Variants in PIKFYVE observed in about 807,000 individuals in gnomAD.
The protein encoded by PIKFYVE is 1-phosphatidylinositol 3-phosphate 5-kinase.
In PIKFYVE, 122 loss-of-function variants were observed where a neutral mutation model predicts 257.9. That is an observed-to-expected ratio of 0.47 (90% CI 0.41 to 0.55). The LOEUF (loss-of-function observed/expected upper bound fraction) is 0.55. Ranked by LOEUF, PIKFYVE falls within the 20% of genes least tolerant of loss-of-function variation. The pLI is 0.00. For synonymous variants in PIKFYVE, 892 were observed against 868.9 expected, an observed-to-expected ratio of 1.03 and a Z score of -0.47; for missense variants, 2,160 against 2,536.6, an observed-to-expected ratio of 0.85 and a Z score of 3.19.
intron 3 of PIKFYVE, among the ~76,000 whole-genome samples, chr2:208,276,047 AGCTGTGGGGTT>A (rs1690057836): frequency 6.6e-6 from 1 of 152,084 alleles, no homozygotes. Context: ...TCCTATTTGG[AGCTGTGGGGTT>A]GGGGAAGTGA....
chr2:208,353,698 A>G (rs1192480541), intron 39 of PIKFYVE, among the ~76,000 whole-genome samples, 200 bp from the exon 40 acceptor site: 1 of 152,148 alleles, frequency 6.6e-6, no homozygotes, highest in African/African-American at 2.4e-5. Context: ...GAATTATGTT[A>G]CTGTGTATTT....
rs550731189 is a variant in PIKFYVE, at chr2:208,323,769, A to C, written c.2191-373A>C. Among the ~76,000 whole-genome samples, 321 of 152,212 alleles carry C rather than the reference A, an allele frequency of 2.1e-3. 1 individual carries two copies. The highest frequency in any genetic ancestry group is 3.3e-3 in the Admixed American group (50 of 15,268). On this transcript the variant is annotated intron_variant, in intron 17 of 41. Coordinates refer to ENST00000264380, the MANE Select transcript of PIKFYVE (RefSeq NM_015040.4). ...TATTTCTCCACATCCTCTCCAGCAC[A>C]TGTTGTTTCCTGACTTTTTAATGAT...
At chr2:208,317,633 G>C (rs1381124300) in intron 15 of PIKFYVE, among the ~76,000 whole-genome samples, 1 of 152,172 alleles carries the variant, frequency 6.6e-6, no homozygotes, top group African/African-American at 2.4e-5. Flanking sequence ...TATTCAGTCA[G>C]TGAGTACTTT....
At chr2:208,314,695 G>A (rs1695281139) in intron 14 of PIKFYVE, among the ~76,000 whole-genome samples, 1 of 152,134 alleles carries the variant, frequency 6.6e-6, no homozygotes, top group African/African-American at 2.4e-5. Flanking sequence ...TCAGAAGGTT[G>A]AGACCAGCCT....
chr2:208,311,237 T>C (rs532981894), intron 12 of PIKFYVE, among the ~76,000 whole-genome samples: 2 of 152,300 alleles, frequency 1.3e-5, no homozygotes, highest in Non-Finnish European at 2.9e-5. Context: ...TAATAGGATT[T>C]GGTGTTACTC....
intron 3 of PIKFYVE, 150 bp from the exon 4 acceptor site, chr2:208,276,562 A>G: frequency 2.8e-6 from 2 of 727,054 alleles, no homozygotes; most frequent in Non-Finnish European, 5.1e-6. Context: ...ACCCTTATAA[A>G]GACTTGTTTT....
At position 208,350,868 on chromosome 2, in the gene PIKFYVE, T is replaced by C. The variant is rs1184749674; in HGVS notation, c.5532T>C (p.Asp1844=). ...TGATTCTGGACAGCAGTGAAGAAGA[T>C]TTCATTCGTTCCCTCTCCCACTCAT... ...REVILDSSEE[D]FIRSLSHSSP... is the part of the protein sequence containing the mutation. The change falls in exon 37 of 42, where the codon GAT becomes GAC. Residue 1844 remains aspartate (D), a synonymous_variant. Coordinates refer to ENST00000264380, the MANE Select transcript of PIKFYVE (RefSeq NM_015040.4). 1 of 1,614,146 alleles carries C rather than the reference T, an allele frequency of 6.2e-7. No homozygotes were observed. The highest frequency in any genetic ancestry group is 1.7e-5 in the Admixed American group (1 of 60,014).
rs1360184570 is a variant in PIKFYVE, at chr2:208,320,345, C to T, written c.2176C>T (p.Pro726Ser). 6.2e-7 allele frequency: 1 copy of T among 1,611,906 alleles called. No homozygotes were observed. Among genetic ancestry groups the T allele is most frequent in the African/African-American group, 1.3e-5 (1 of 74,848 alleles). Reference sequence around the variant, plus strand: ...AGAAACTAAGTTTACTTGCATTGATCCTATTGTGCTTCAGGTAAGAATTTA... The same window carrying T: ...AGAAACTAAGTTTACTTGCATTGATTCTATTGTGCTTCAGGTAAGAATTTA... ...REETKFTCID[P>S]IVLQEREFLK... Residue 726 changes from proline to serine, a missense_variant, in exon 17 of 42, where the codon CCT (proline) becomes TCT (serine). By Grantham distance (74) the Pro-to-Ser change is moderately conservative (BLOSUM62 -1). Around this residue, in one of 12 missense-constraint regions of PIKFYVE, gnomAD observed 346 missense variants for 365.6 expected, o/e 0.95. Coordinates refer to ENST00000264380, the MANE Select transcript of PIKFYVE (RefSeq NM_015040.4).
rs1365205148 is a variant in PIKFYVE at position 208,328,258 on chromosome 2, C to G, written c.3697C>G (p.Pro1233Ala). ...SSSSAQSSNA[P>A]SACVSPWIVT... ...CTCTTCTGCCCAGTCCAGCAATGCT[C>G]CTAGTGCCTGTGTCAGTCCTTGGTA... The change falls in exon 21 of 42, where the codon CCT (proline) becomes GCT (alanine). Residue 1233 changes from proline (P) to alanine (A), a missense_variant. By Grantham distance (27) the Pro-to-Ala change is conservative. Transcript: ENST00000264380. 2 of 1,613,928 alleles carry G rather than the reference C, an allele frequency of 1.2e-6. No homozygotes were observed. Among genetic ancestry groups the G allele is most frequent in the East Asian group, 4.5e-5 (2 of 44,872 alleles).
At chr2:208,338,853 A>G (rs1292532681) in intron 29 of PIKFYVE, among the ~76,000 whole-genome samples, 2 of 152,212 alleles carry the variant, frequency 1.3e-5, no homozygotes, top group South Asian at 2.1e-4. Flanking sequence ...TACAAAGTCA[A>G]TCCCCAGGTT....
chr2:208,291,675 C>T (rs1692332655), intron 7 of PIKFYVE, among the ~76,000 whole-genome samples: 1 of 152,050 alleles, frequency 6.6e-6, no homozygotes. Context: ...TTTCGATTTT[C>T]ATTTCTGATA....
rs1699210009 is a variant in PIKFYVE at position 208,346,143 on chromosome 2, A to C, written c.5205A>C (p.Gln1735His). Reference sequence around the variant, plus strand: ...ATCGTACAACAGAAACAGAACCACAACCAAGTAAGATTACACATGGAGGAA... The same window carrying C: ...ATCGTACAACAGAAACAGAACCACACCCAAGTAAGATTACACATGGAGGAA... ...QTNRTTETEPQPTKKASGMLS... is the reference protein window; with the variant it reads ...QTNRTTETEPHPTKKASGMLS... Residue 1735 changes from glutamine (Q) to histidine (H), a missense_variant, in exon 34 of 42, where the codon CAA becomes CAC. Physicochemically the swap from Gln to His is conservative, Grantham distance 24. Coordinates refer to ENST00000264380, the MANE Select transcript of PIKFYVE (RefSeq NM_015040.4). 6.2e-7 allele frequency: 1 copy of C among 1,603,138 alleles called. No individual in the cohort carries two copies. Among genetic ancestry groups the C allele is most frequent in the Non-Finnish European group, 8.5e-7 (1 of 1,170,366 alleles).
intron 17 of PIKFYVE, among the ~76,000 whole-genome samples, chr2:208,320,639 C>A (rs1333467709): frequency 1.3e-5 from 2 of 152,190 alleles, no homozygotes; most frequent in Admixed American, 6.5e-5. Context: ...CTCGAACTTA[C>A]CAGATTTCTA....
At chr2:208,307,241 T>C (rs1438845187) in intron 12 of PIKFYVE, among the ~76,000 whole-genome samples, 2 of 152,176 alleles carry the variant, frequency 1.3e-5, no homozygotes, top group African/African-American at 4.8e-5. Flanking sequence ...TGAGAAAGAT[T>C]TAAAGTTTGG....
At chr2:208,297,840 G>A (rs1693175429) in intron 7 of PIKFYVE, among the ~76,000 whole-genome samples, 1 of 149,650 alleles carries the variant, frequency 6.7e-6, no homozygotes, top group African/African-American at 2.4e-5. Flanking sequence ...TTTCCTTGAT[G>A]CTATTGGTAT....
intron 3 of PIKFYVE, among the ~76,000 whole-genome samples, chr2:208,275,282 A>G (rs181683997): frequency 2.0e-5 from 3 of 152,376 alleles, no homozygotes; most frequent in African/African-American, 4.8e-5. Context: ...TCTTCAGCCA[A>G]CATCTGTGAT....
At chr2:208,337,946 C>T (rs1698319808) in intron 28 of PIKFYVE, among the ~76,000 whole-genome samples, 1 of 152,148 alleles carries the variant, frequency 6.6e-6, no homozygotes, top group Non-Finnish European at 1.5e-5. Context: ...TGATCTTAAA[C>T]TCCTGACCTC....
At chr2:208,339,389 G>T (rs772384335) in intron 29 of PIKFYVE, 29 bp from the exon 30 acceptor site, 2 of 1,611,784 alleles carry the variant, frequency 1.2e-6, no homozygotes, top group South Asian at 1.1e-5. Flanking sequence ...GTATGTAAAT[G>T]ACTCATTTAA....
rs772888874 is a variant in PIKFYVE at position 208,325,904 on chromosome 2, C to T, written c.3093C>T (p.Val1031=). 1 of 1,614,134 alleles carries T rather than the reference C, an allele frequency of 6.2e-7. No individual in the cohort carries two copies. The highest frequency in any genetic ancestry group is 1.1e-5 in the South Asian group (1 of 91,072). Residue 1031 remains valine (V), a synonymous_variant, in exon 20 of 42, where the codon GTC becomes GTT. Transcript: ENST00000264380. ...DDTGLYVTEE[V]TSSEDKRKTY... ...CTGGATTATATGTTACTGAGGAAGT[C>T]ACCTCCTCTGAAGATAAACGAAAGA...
Sources: gnomAD v4.1 joint callset for allele counts (sites outside exome capture counted in the v4.1 genomes callset) on GRCh38, gnomAD v4.1.1 for gene constraint, gnomAD v4.1.1 regional missense constraint, MANE v1.5 for transcripts, NCBI Gene and HGNC (gene_info 2026-07-23, HGNC 2026-07-21) for gene names.